The following KDR variants were observed in gnomAD, a reference collection of about 807,000 sequenced individuals.
KDR encodes the protein kinase insert domain receptor, also known as vascular endothelial growth factor receptor 2.
A neutral mutation model predicts 160.9 loss-of-function variants in KDR; 43 were observed. The observed-to-expected ratio is 0.27, with a 90% CI of 0.21 to 0.34. KDR has a LOEUF of 0.34. KDR is among the 10% of genes least tolerant of loss of function. KDR has a pLI of 1.00. For synonymous variants in KDR, 617 were observed against 600.1 expected (o/e 1.03, Z -0.41); for missense variants, 1,469 against 1,666.4 (o/e 0.88, Z 2.06).
In KDR at chr4:55,097,869, T is replaced by C. The variant is rs569969005; in HGVS notation, c.2510-103A>G. The C allele has an allele frequency of 9.7e-5, 86 of 887,850 alleles. No homozygotes were observed. The African/African-American group carries it at 1.3e-3, about 14-fold the overall frequency. 55.0% of individuals were successfully genotyped at this position (887,850 alleles called of 1,614,324 possible). A position where few individuals can be genotyped will look rare whatever the true frequency, so the allele number is the denominator to read the frequency against. ...TAGATAGGGTGACCATACATCCCAA[T>C]TTAACATGGATAGTCCAGTTTACTC... is the stretch of plus-strand genomic sequence containing the variant. On this transcript the variant is annotated intron_variant, in intron 17 of 29. Transcript: ENST00000263923.
chr4:55,087,072 C>A (rs1719883430), intron 27 of KDR, among the ~76,000 whole-genome samples: 1 of 152,144 alleles, frequency 6.6e-6, no homozygotes, highest in Admixed American at 6.6e-5. Context: ...TTTAAATAAG[C>A]CCAGACATCC....
At chr4:55,115,655 GA>G (rs768219691) in intron 3 of KDR, among the ~76,000 whole-genome samples, 2 of 150,518 alleles carry the variant, frequency 1.3e-5, no homozygotes, top group Admixed American at 6.6e-5. Flanking sequence ...TAAAAATTTT[GA>G]AAAAAAACTC....
At chr4:55,110,187 C>A (rs189176392) in intron 9 of KDR, among the ~76,000 whole-genome samples, 1 of 152,266 alleles carries the variant, frequency 6.6e-6, no homozygotes, top group East Asian at 1.9e-4. Flanking sequence ...CATTTGTCCA[C>A]CACAAAGCTC....
chr4:55,119,369 A>C (rs1489323591), intron 2 of KDR, among the ~76,000 whole-genome samples: 2 of 152,238 alleles, frequency 1.3e-5, no homozygotes, highest in African/African-American at 4.8e-5. Flanking sequence ...TATGTGCCAA[A>C]CTTGTTAAGG....
chr4:55,102,640 C>T lies in KDR; in HGVS notation c.1988-132G>A. The T allele has an allele frequency of 3.4e-6, 3 of 869,604 alleles. No individual in the cohort carries two copies. In the East Asian group the frequency reaches 8.0e-5, roughly 23 times the overall value. The allele number at this position is 869,604 out of a possible 1,614,324, so 53.9% of individuals were successfully genotyped here. A position where few individuals can be genotyped will look rare whatever the true frequency, so the allele number is the denominator to read the frequency against. ...TGATATATTAACTTCTGGGAAAATA[C>T]ACTGGTCACTGGGTAAAGTTAAATG... On this transcript the variant is annotated intron_variant, in intron 13 of 29. Transcript: ENST00000263923.
At chr4:55,091,908 T>C (rs1479459927) in intron 22 of KDR, among the ~76,000 whole-genome samples, 4 of 152,194 alleles carry the variant, frequency 2.6e-5, no homozygotes, top group Non-Finnish European at 4.4e-5. Context: ...CACGTCCCCA[T>C]CTCAGCCTTT....
intron 12 of KDR, among the ~76,000 whole-genome samples, chr4:55,105,264 A>C (rs1433545358): frequency 6.6e-6 from 1 of 152,244 alleles, no homozygotes; most frequent in Non-Finnish European, 1.5e-5. Context: ...ATCCAAAGCA[A>C]AATCTCTAAT....
chr4:55,099,007 A>G (rs1720240547), intron 15 of KDR, among the ~76,000 whole-genome samples: 1 of 149,836 alleles, frequency 6.7e-6, no homozygotes. Flanking sequence ...TTATTTATTT[A>G]TTTATTTATT....
At chr4:55,093,434 A>C (rs1720069156) in intron 21 of KDR, among the ~76,000 whole-genome samples, 1 of 152,244 alleles carries the variant, frequency 6.6e-6, no homozygotes, top group Non-Finnish European at 1.5e-5. Context: ...CAAATACCAG[A>C]GTAAACAAAA....
At position 55,115,050 on chromosome 4, in the gene KDR, A is replaced by G; in HGVS notation, c.490-8T>C. The G allele has an allele frequency of 6.2e-7, 1 of 1,607,878 alleles. No individual in the cohort carries two copies. Among genetic ancestry groups the G allele is most frequent in the Non-Finnish European group, 8.5e-7 (1 of 1,174,682 alleles). Reference sequence around the variant, plus strand: ...TCTCTTTTCTGGGTATCTCTGGGTAATAAAAAGACATATCAAATATTTAAT... The same window carrying G: ...TCTCTTTTCTGGGTATCTCTGGGTAGTAAAAAGACATATCAAATATTTAAT... On this transcript the variant is annotated splice_region_variant and splice_polypyrimidine_tract_variant and intron_variant, in intron 4 of 29. Transcript: ENST00000263923.
intron 15 of KDR, 111 bp downstream of exon 15, chr4:55,101,786 A>G (rs1720315395): frequency 1.1e-6 from 1 of 922,198 alleles, no homozygotes; most frequent in African/African-American, 1.6e-5. Context: ...GCTGAGGATA[A>G]TGGCTTCCAG....
chr4:55,116,798 G>C (rs949332875), intron 3 of KDR, among the ~76,000 whole-genome samples: 2 of 152,160 alleles, frequency 1.3e-5, no homozygotes, highest in Non-Finnish European at 2.9e-5. Flanking sequence ...TCCATCCATT[G>C]CTGAAGAGAA....
Position 55,125,470 on chromosome 4 carries a change from T to A in KDR, c.-177A>T. ...CCGCGGCTGCAGGGGCGTCTGCGGG[T>A]GCCGGTAGGAGAGGATATCCAGGCT... is the stretch of plus-strand genomic sequence containing the variant. On this transcript the variant is annotated 5_prime_UTR_variant, in exon 1 of 30. Coordinates refer to ENST00000263923, the MANE Select transcript of KDR (RefSeq NM_002253.4). 3 of 700,988 alleles carry A rather than the reference T, an allele frequency of 4.3e-6. No homozygotes were observed. In the South Asian group the frequency reaches 5.2e-5, roughly 12 times the overall value. The allele number at this position is 700,988 out of a possible 1,614,324, so 43.4% of individuals were successfully genotyped here.
Position 55,079,903 on chromosome 4 carries a change from A to AT in KDR, c.*37dup. The AT allele has an allele frequency of 6.5e-7, 1 of 1,532,088 alleles. No individual in the cohort carries two copies. The highest frequency in any genetic ancestry group is 1.1e-5 in the South Asian group (1 of 89,450). 94.9% of individuals were successfully genotyped at this position (1,532,088 alleles called of 1,614,324 possible). On this transcript the variant is annotated 3_prime_UTR_variant, in exon 30 of 30. Transcript: ENST00000263923. ...CTTGAAAATCTGAGCAGCACCTCTC[A>AT]TGTGATGTCCAGGAGTTGGGGGTGT...
chr4:55,100,626 G>A (rs1174597962), intron 15 of KDR, among the ~76,000 whole-genome samples: 1 of 152,136 alleles, frequency 6.6e-6, no homozygotes, highest in Non-Finnish European at 1.5e-5. Context: ...CTTTGGAAAT[G>A]ACAAAACCGC....
intron 2 of KDR, 40 bp downstream of exon 2, chr4:55,121,057 T>C: frequency 7.5e-7 from 1 of 1,340,516 alleles, no homozygotes; most frequent in Non-Finnish European, 1.1e-6. Context: ...AACAATCAGT[T>C]ACTTAACACA....
At chr4:55,108,931 G>A (rs1720507452) in intron 9 of KDR, among the ~76,000 whole-genome samples, 1 of 152,032 alleles carries the variant, frequency 6.6e-6, no homozygotes, top group Non-Finnish European at 1.5e-5. Flanking sequence ...AATATTTAGT[G>A]GCTTCATGAA....
intron 11 of KDR, 38 bp from the exon 12 acceptor site, chr4:55,105,978 C>A (rs370272716): frequency 2.3e-6 from 3 of 1,323,342 alleles, no homozygotes; most frequent in East Asian, 2.3e-5. Context: ...CCATAAACAA[C>A]GCGGCTGTTT....
chr4:55,120,195 G>A (rs897713152), intron 2 of KDR, among the ~76,000 whole-genome samples: 3 of 152,082 alleles, frequency 2.0e-5, no homozygotes, highest in South Asian at 2.1e-4. Context: ...TATGTCATTC[G>A]GTTTAATGCT....
Sources: allele counts gnomAD v4.1 joint callset (sites outside exome capture counted in the v4.1 genomes callset), GRCh38; gene constraint gnomAD v4.1.1; transcripts MANE v1.5; gene names NCBI Gene and HGNC (gene_info 2026-07-23, HGNC 2026-07-21).